Variants in GRM5 observed in about 807,000 individuals in gnomAD.
GRM5 encodes glutamate metabotropic receptor 5, also known as metabotropic glutamate receptor 5.
GRM5 carries 19 observed loss-of-function variants against 83.1 expected under a neutral mutation model. The observed-to-expected ratio is 0.23, with a 90% CI of 0.16 to 0.34. The LOEUF (loss-of-function observed/expected upper bound fraction) is 0.34, where lower values mean the gene tolerates loss of function less well. GRM5 is among the 10% of genes least tolerant of loss of function. GRM5 has a pLI of 1.00. For missense variants in GRM5, 1,160 were observed against 1,588.3 expected (o/e 0.73, Z 4.58); for synonymous variants, 675 against 633.6 (o/e 1.07, Z -0.98).
At chr11:89,037,492 C>G (rs4277111) in intron 2 of GRM5, among the ~76,000 whole-genome samples, 16 of 151,650 alleles carry the variant, frequency 1.1e-4, no homozygotes. Context: ...CAAATATATC[C>G]TTGGAATCTG....
intron 3 of GRM5, among the ~76,000 whole-genome samples, chr11:88,778,860 C>T (rs554539498): frequency 2.6e-5 from 4 of 152,216 alleles, no homozygotes; most frequent in South Asian, 4.1e-4. Flanking sequence ...AAAATTTTCA[C>T]TTAGGCTTCA....
chr11:88,606,156 G>A (rs1291834723), intron 4 of GRM5, among the ~76,000 whole-genome samples: 3 of 152,178 alleles, frequency 2.0e-5, no homozygotes, highest in Non-Finnish European at 4.4e-5. Context: ...GACCAGCACA[G>A]AGAGTAGGAG....
chr11:88,796,128 A>C lies in GRM5; in HGVS notation c.911+53778T>G, dbSNP rs113198006. ...TCAGGACCACTTGCATTTCCAACGT[A>C]ATTTAAAATAAGTAGTGGGAGAGAC... On this transcript the variant is annotated intron_variant, in intron 3 of 9. Coordinates refer to ENST00000305447, the MANE Select transcript of GRM5 (RefSeq NM_001143831.3). 2.9e-4 allele frequency among the ~76,000 whole-genome samples: 44 copies of C among 152,194 alleles called. 2 individuals are homozygous for C. Among genetic ancestry groups the C allele is most frequent in the African/African-American group, 9.2e-4 (38 of 41,460 alleles).
intron 2 of GRM5, among the ~76,000 whole-genome samples, chr11:88,995,940 G>T (rs1040024659): frequency 4.6e-5 from 7 of 150,602 alleles, no homozygotes; most frequent in African/African-American, 1.7e-4. Context: ...AGACTTTCCA[G>T]AAATTGACAT....
chr11:88,976,890 T>G (rs1411546348), intron 2 of GRM5, among the ~76,000 whole-genome samples: 1 of 152,046 alleles, frequency 6.6e-6, no homozygotes, highest in Non-Finnish European at 1.5e-5. Context: ...TGCTATTTTT[T>G]CCTGTATACT....
At chr11:88,717,632 T>C (rs565979190) in intron 3 of GRM5, among the ~76,000 whole-genome samples, 12 of 152,000 alleles carry the variant, frequency 7.9e-5, no homozygotes, top group African/African-American at 2.6e-4. Context: ...TAGCAAAATA[T>C]CGTTCTACAA....
chr11:89,051,004 C>T (rs1941746837), intron 1 of GRM5, among the ~76,000 whole-genome samples: 1 of 152,110 alleles, frequency 6.6e-6, no homozygotes, highest in Non-Finnish European at 1.5e-5. Context: ...GAATACTTGA[C>T]TTCATACATG....
chr11:88,889,766 A>C (rs995675836), intron 2 of GRM5, among the ~76,000 whole-genome samples: 1 of 152,132 alleles, frequency 6.6e-6, no homozygotes, highest in Non-Finnish European at 1.5e-5. Flanking sequence ...CTCTTAATGC[A>C]TGTGTGAGAG....
intron 2 of GRM5, among the ~76,000 whole-genome samples, chr11:88,884,785 G>GCT (rs1028629156): frequency 2.0e-5 from 3 of 152,088 alleles, no homozygotes; most frequent in African/African-American, 4.8e-5. Context: ...CCCTGCACAT[G>GCT]CTCTCTCTCT....
At chr11:88,675,459 A>C in intron 3 of GRM5, among the ~76,000 whole-genome samples, 1 of 152,000 alleles carries the variant, frequency 6.6e-6, no homozygotes, top group Admixed American at 6.6e-5. Flanking sequence ...TTTAGGCTCA[A>C]GGAAGATATG....
chr11:88,679,509 G>A (rs1940422760), intron 3 of GRM5, among the ~76,000 whole-genome samples: 1 of 152,094 alleles, frequency 6.6e-6, no homozygotes, highest in Non-Finnish European at 1.5e-5. Context: ...TATATAGTAT[G>A]TATATTCAAT....
intron 7 of GRM5, among the ~76,000 whole-genome samples, chr11:88,586,484 C>G (rs1943318450): frequency 6.6e-6 from 1 of 152,058 alleles, no homozygotes; most frequent in African/African-American, 2.4e-5. Context: ...AGGCACTGAC[C>G]CAAAGGTAAC....
At chr11:88,918,379 T>C in intron 2 of GRM5, among the ~76,000 whole-genome samples, 1 of 151,938 alleles carries the variant, frequency 6.6e-6, no homozygotes, top group Non-Finnish European at 1.5e-5. Flanking sequence ...CATGTATACA[T>C]ATGTAACTAA....
At chr11:88,528,406 C>T (rs1468466719) in intron 8 of GRM5, among the ~76,000 whole-genome samples, 1 of 151,984 alleles carries the variant, frequency 6.6e-6, no homozygotes, top group Non-Finnish European at 1.5e-5. Flanking sequence ...TTCACTTACT[C>T]ATTATCCCAT....
intron 3 of GRM5, among the ~76,000 whole-genome samples, chr11:88,835,916 T>C (rs983689361): frequency 1.3e-5 from 2 of 152,088 alleles, no homozygotes; most frequent in African/African-American, 2.4e-5. Context: ...CAAAAAAAGC[T>C]CCTTTGTTCT....
At chr11:88,519,219 A>T (rs1384253807) in intron 9 of GRM5, among the ~76,000 whole-genome samples, 1 of 151,734 alleles carries the variant, frequency 6.6e-6, no homozygotes, top group Non-Finnish European at 1.5e-5. Flanking sequence ...AGAAAGAGAA[A>T]TGAAGGATAA....
At chr11:88,739,629 C>A (rs905408502) in intron 3 of GRM5, among the ~76,000 whole-genome samples, 2 of 151,984 alleles carry the variant, frequency 1.3e-5, no homozygotes, top group African/African-American at 4.8e-5. Flanking sequence ...TTCTCGTGAT[C>A]ACGAGTGAAT....
At chr11:88,566,315 A>G (rs1049434481) in intron 8 of GRM5, among the ~76,000 whole-genome samples, 2 of 150,332 alleles carry the variant, frequency 1.3e-5, no homozygotes, top group African/African-American at 5.0e-5. Context: ...GAAGTTCCTT[A>G]TATGGGGGAA....
At chr11:88,772,438 T>G (rs993616340) in intron 3 of GRM5, among the ~76,000 whole-genome samples, 1 of 151,124 alleles carries the variant, frequency 6.6e-6, no homozygotes. Flanking sequence ...TGGCCCTTTA[T>G]TTATTTTTAT....
Sources: gnomAD v4.1 joint callset for allele counts (sites outside exome capture counted in the v4.1 genomes callset) on GRCh38, gnomAD v4.1.1 for gene constraint, MANE v1.5 for transcripts, NCBI Gene and HGNC (gene_info 2026-07-23, HGNC 2026-07-21) for gene names.